Variants in HNRNPC observed in about 807,000 individuals in gnomAD.
HNRNPC encodes the protein heterogeneous nuclear ribonucleoprotein C, also known as heterogeneous nuclear ribonucleoproteins C1/C2.
HNRNPC carries 3 observed loss-of-function variants against 33.2 expected under a neutral mutation model. The ratio of observed to expected loss-of-function variants is 0.09; its 90% confidence interval spans 0.04 to 0.23. The LOEUF (loss-of-function observed/expected upper bound fraction) is 0.23, where lower values mean the gene tolerates loss of function less well. Among genes scored for constraint, HNRNPC ranks in the 10% least tolerant of loss-of-function variants. The pLI is 1.00. For synonymous variants in HNRNPC, 121 were observed against 126.7 expected (o/e 0.96, Z 0.30); for missense variants, 143 against 366.7 (o/e 0.39, Z 4.98).
intron 3 of HNRNPC, among the ~76,000 whole-genome samples, chr14:21,231,662 C>G (rs550227629): frequency 1.3e-5 from 2 of 152,228 alleles, no homozygotes; most frequent in South Asian, 2.1e-4. Context: ...CTTCATCTTC[C>G]GTTTCTTTGT....
At chr14:21,266,169 G>A (rs571981563) in intron 1 of HNRNPC, among the ~76,000 whole-genome samples, 15 of 152,202 alleles carry the variant, frequency 9.9e-5, no homozygotes, top group Middle Eastern at 3.4e-3. Context: ...GCAGTGGTGC[G>A]ATGGCTCACT....
chr14:21,214,808 G>A (rs1891983757), intron 5 of HNRNPC, among the ~76,000 whole-genome samples: 1 of 152,184 alleles, frequency 6.6e-6, no homozygotes, highest in Non-Finnish European at 1.5e-5. Context: ...TCCTTTGTGA[G>A]AGATGGTAAC....
At chr14:21,256,616 A>G (rs1360643250) in intron 2 of HNRNPC, among the ~76,000 whole-genome samples, 1 of 152,110 alleles carries the variant, frequency 6.6e-6, no homozygotes. Flanking sequence ...CGACAGTATG[A>G]GTAGTGGTAT....
At chr14:21,231,234 A>G in intron 3 of HNRNPC, 162 bp from the exon 4 acceptor site, 1 of 711,932 alleles carries the variant, frequency 1.4e-6, no homozygotes, top group Non-Finnish European at 2.5e-6. Flanking sequence ...TCCCGGTTCA[A>G]GCGATTCTCC....
chr14:21,228,639 G>A lies in HNRNPC; in HGVS notation c.365+1680C>T, dbSNP rs1351391304. 3.9e-5 allele frequency among the ~76,000 whole-genome samples: 6 copies of A among 152,088 alleles called. No individual in the cohort carries two copies. The South Asian group carries it at 1.2e-3, about 32-fold the overall frequency. ...GAACTCCTGACCTCATGATCCACCTGCCTTGGCCTCACAAAGTGCTGAGAT... is the reference window on the plus strand; with the variant it reads ...GAACTCCTGACCTCATGATCCACCTACCTTGGCCTCACAAAGTGCTGAGAT... On this transcript the variant is annotated intron_variant, in intron 5 of 8. Coordinates refer to ENST00000553300, the MANE Select transcript of HNRNPC (RefSeq NM_004500.4).
chr14:21,231,147 ATT>A, intron 3 of HNRNPC, 75 bp from the exon 4 acceptor site: 1 of 1,428,810 alleles, frequency 7.0e-7, no homozygotes, highest in Non-Finnish European at 9.7e-7. Flanking sequence ...TATTTTTTTT[ATT>A]TTTGAGACAT....
chr14:21,245,661 C>A (rs760944164), intron 2 of HNRNPC, among the ~76,000 whole-genome samples: 14 of 152,054 alleles, frequency 9.2e-5, no homozygotes, highest in Admixed American at 2.6e-4. Context: ...AAACATGGTA[C>A]ACTTAAGGCT....
rs184749653 is a variant in HNRNPC at position 21,260,789 on chromosome 14, C to T, written c.-37+2522G>A. ...ACCAGCCTGGCCAACATGGTGAAAC[C>T]TCGTCACTACTAAAAATACAGAAAT... On this transcript the variant is annotated intron_variant, in intron 2 of 8. Coordinates refer to ENST00000553300, the MANE Select transcript of HNRNPC (RefSeq NM_004500.4). 1.6e-4 allele frequency among the ~76,000 whole-genome samples: 24 copies of T among 152,038 alleles called. No homozygotes were observed. In the East Asian group the frequency reaches 3.9e-3, roughly 25 times the overall value.
chr14:21,213,960 A>G (rs1306247724), intron 5 of HNRNPC, among the ~76,000 whole-genome samples: 2 of 152,242 alleles, frequency 1.3e-5, no homozygotes, highest in Non-Finnish European at 2.9e-5. Context: ...GTGATTGATA[A>G]AGATACACCA....
At chr14:21,230,846 A>G in intron 4 of HNRNPC, 151 bp downstream of exon 4, 1 of 789,952 alleles carries the variant, frequency 1.3e-6, no homozygotes, top group Non-Finnish European at 2.0e-6. Flanking sequence ...ATAAAACCTT[A>G]TTTATACACA....
At chr14:21,212,852 T>C (rs1891768180) in intron 6 of HNRNPC, 108 bp downstream of exon 6, 1 of 1,391,840 alleles carries the variant, frequency 7.2e-7, no homozygotes, top group South Asian at 1.2e-5. Context: ...GCCTCTTCCA[T>C]TATTTTGAAT....
At chr14:21,262,506 TC>T (rs1369862423) in intron 2 of HNRNPC, 1 of 152,254 alleles carries the variant, frequency 6.6e-6, no homozygotes, top group East Asian at 1.9e-4. Context: ...TTCAAACACT[TC>T]CAGATGCTAT....
Position 21,260,369 on chromosome 14 carries a change from T to TAA in HNRNPC, c.-37+2940_-37+2941dup, listed in dbSNP as rs11345053. ...TGACAGAGCGAGACTCCGTCTTATT[T>TAA]AAAAAAAAAAAAAAAAAAAAATCCC... On this transcript the variant is annotated intron_variant, in intron 2 of 8. Transcript: ENST00000553300. 4.6e-4 allele frequency among the ~76,000 whole-genome samples: 56 copies of TAA among 122,208 alleles called. No individual in the cohort carries two copies. The South Asian group carries it at 5.3e-3, about 12-fold the overall frequency. 80.2% of individuals were successfully genotyped at this position (122,208 alleles called of 152,430 possible). A position where few individuals can be genotyped will look rare whatever the true frequency, so the allele number is the denominator to read the frequency against.
chr14:21,250,568 C>T (rs770349722), intron 2 of HNRNPC, among the ~76,000 whole-genome samples: 38 of 152,114 alleles, frequency 2.5e-4, no homozygotes, highest in Middle Eastern at 3.2e-3. Flanking sequence ...ATTCAAAGCA[C>T]GTATTTCAGA....
At chr14:21,227,086 A>G (rs1314934321) in intron 5 of HNRNPC, among the ~76,000 whole-genome samples, 1 of 152,082 alleles carries the variant, frequency 6.6e-6, no homozygotes, top group Non-Finnish European at 1.5e-5. Context: ...GAAGATATTA[A>G]TACCATTTTT....
intron 2 of HNRNPC, among the ~76,000 whole-genome samples, chr14:21,249,574 G>A (rs1271650575): frequency 2.2e-5 from 2 of 91,200 alleles, no homozygotes; most frequent in East Asian, 3.2e-4. Context: ...CAACAAGAGC[G>A]AAAACTGTGT....
intron 2 of HNRNPC, among the ~76,000 whole-genome samples, chr14:21,243,322 T>C (rs1168782855): frequency 2.0e-5 from 3 of 152,158 alleles, no homozygotes; most frequent in African/African-American, 7.2e-5. Context: ...TTTGCTGAAG[T>C]ATCATGTCAA....
chr14:21,236,921 T>C (rs1277337828), intron 2 of HNRNPC, among the ~76,000 whole-genome samples: 1 of 152,192 alleles, frequency 6.6e-6, no homozygotes, highest in Admixed American at 6.5e-5. Context: ...CAAGCCAGCA[T>C]ATATGGTTTC....
At chr14:21,237,371 G>A (rs1270286398) in intron 2 of HNRNPC, among the ~76,000 whole-genome samples, 2 of 152,152 alleles carry the variant, frequency 1.3e-5, no homozygotes, top group South Asian at 2.1e-4. Flanking sequence ...TATTGCATTA[G>A]GTTAAAATTT....
Sources: gnomAD v4.1 joint callset for allele counts (sites outside exome capture counted in the v4.1 genomes callset) on GRCh38, gnomAD v4.1.1 for gene constraint, MANE v1.5 for transcripts, NCBI Gene and HGNC (gene_info 2026-07-23, HGNC 2026-07-21) for gene names.